FAM13A: variants seen among roughly 807,000 people sequenced by gnomAD.
FAM13A encodes family with sequence similarity 13 member A, also known as protein FAM13A.
Under a neutral mutation model 129.6 loss-of-function variants are expected in FAM13A, and 76 were observed. The ratio of observed to expected loss-of-function variants is 0.59; its 90% confidence interval spans 0.49 to 0.71. FAM13A has a LOEUF of 0.71. Among genes scored for constraint, FAM13A ranks in the 30% least tolerant of loss-of-function variants. The pLI is 0.00. For missense variants in FAM13A, 1,108 were observed against 1,249.3 expected (o/e 0.89, Z 1.70); for synonymous variants, 443 against 449.9 (o/e 0.98, Z 0.20).
At chr4:89,027,512 T>TAAA (rs35923372) in intron 2 of FAM13A, among the ~76,000 whole-genome samples, 1 of 144,752 alleles carries the variant, frequency 6.9e-6, no homozygotes, top group Middle Eastern at 3.6e-3. Context: ...TCTGTCCCTT[T>TAAA]AAAAAAAAAA....
chr4:88,962,607 C>T (rs771732967), intron 4 of FAM13A, among the ~76,000 whole-genome samples: 3 of 151,928 alleles, frequency 2.0e-5, no homozygotes, highest in Admixed American at 6.6e-5. Flanking sequence ...ATTTGGTGGG[C>T]GGGGAGAGCG....
intron 10 of FAM13A, among the ~76,000 whole-genome samples, chr4:88,783,448 C>T (rs369648548): frequency 2.0e-4 from 30 of 152,064 alleles, no homozygotes; most frequent in Middle Eastern, 6.8e-3. Context: ...TACAGGCATG[C>T]GCCACCACAC....
chr4:88,787,748 C>T lies in FAM13A; in HGVS notation c.1271+5G>A, dbSNP rs187715384. The T allele has an allele frequency of 2.3e-3, 3,685 of 1,609,192 alleles. 9 individuals are homozygous for T. The highest frequency in any genetic ancestry group is 2.8e-3 in the Non-Finnish European group (3,341 of 1,178,264). ...AAGTAAGAGGAAGAATCAATGCCAA[C>T]TCACTTGTCTCTCCCATGTCGAACT... On this transcript the variant is annotated splice_donor_5th_base_variant and intron_variant, in intron 10 of 23. Coordinates refer to ENST00000264344, the MANE Select transcript of FAM13A (RefSeq NM_014883.4).
At chr4:88,856,529 C>CA (rs1294994090) in intron 6 of FAM13A, among the ~76,000 whole-genome samples, 3 of 151,724 alleles carry the variant, frequency 2.0e-5, no homozygotes, top group Admixed American at 6.6e-5. Context: ...CAAAAAACCC[C>CA]AAAAAAACCA....
At position 88,787,314 on chromosome 4, in the gene FAM13A, G is replaced by A. The variant is rs1724170350; in HGVS notation, c.1271+439C>T. ...CATAATCAAATGTCAGAGTATTATAGGGATATCTGACTATTTAATCACATA... is the reference window on the plus strand; with the variant it reads ...CATAATCAAATGTCAGAGTATTATAAGGATATCTGACTATTTAATCACATA... On this transcript the variant is annotated intron_variant, in intron 10 of 23. Transcript: ENST00000264344. Among the ~76,000 whole-genome samples, 3 of 152,140 alleles carry A rather than the reference G, an allele frequency of 2.0e-5. No homozygotes were observed. In the South Asian group the frequency reaches 6.2e-4, roughly 32 times the overall value.
chr4:88,866,887 T>C (rs1740556109), intron 6 of FAM13A, among the ~76,000 whole-genome samples: 1 of 152,246 alleles, frequency 6.6e-6, no homozygotes, highest in Admixed American at 6.5e-5. Flanking sequence ...AATGTTAATA[T>C]AATTTTTTAA....
At chr4:88,860,315 C>T (rs1015704564) in intron 6 of FAM13A, among the ~76,000 whole-genome samples, 10 of 152,288 alleles carry the variant, frequency 6.6e-5, no homozygotes, top group East Asian at 3.9e-4. Flanking sequence ...TGAGCATTAA[C>T]GCCTCAGGGA....
chr4:88,866,510 G>A (rs557617709), intron 6 of FAM13A, among the ~76,000 whole-genome samples: 1 of 152,124 alleles, frequency 6.6e-6, no homozygotes, highest in African/African-American at 2.4e-5. Flanking sequence ...ATCATCAAAG[G>A]GCCAACCTTG....
intron 1 of FAM13A, among the ~76,000 whole-genome samples, chr4:89,032,374 G>T (rs923539666): frequency 6.6e-5 from 10 of 152,058 alleles, no homozygotes; most frequent in African/African-American, 1.4e-4. Context: ...TATTCATGGG[G>T]GTGTGTGTGT....
intron 13 of FAM13A, among the ~76,000 whole-genome samples, chr4:88,762,815 C>T (rs957828699): frequency 1.3e-5 from 2 of 151,878 alleles, no homozygotes; most frequent in South Asian, 2.1e-4. Flanking sequence ...CAAAAGCATT[C>T]TCAAATATAA....
At chr4:88,890,512 A>G (rs1745143943) in intron 6 of FAM13A, among the ~76,000 whole-genome samples, 1 of 152,230 alleles carries the variant, frequency 6.6e-6, no homozygotes, top group African/African-American at 2.4e-5. Flanking sequence ...GATACAGCAA[A>G]TACACTCATG....
intron 4 of FAM13A, among the ~76,000 whole-genome samples, chr4:88,978,095 T>C (rs1294267024): frequency 2.0e-5 from 3 of 152,140 alleles, no homozygotes; most frequent in Non-Finnish European, 4.4e-5. Context: ...CTAATACCTA[T>C]AACTACCTCA....
At position 88,965,730 on chromosome 4, in the gene FAM13A, C is replaced by G. The variant is rs1759264495; in HGVS notation, c.605+25243G>C. On this transcript the variant is annotated intron_variant, in intron 4 of 23. Transcript: ENST00000264344. ...ATTAAACATATCTCCTTTTTCCACT[C>G]CCCCAGCCCCTGCTAACCACCATTC... 2.6e-5 allele frequency among the ~76,000 whole-genome samples: 4 copies of G among 150,956 alleles called. No individual in the cohort carries two copies. In the South Asian group the frequency reaches 8.3e-4, roughly 31 times the overall value.
At chr4:88,837,091 T>C (rs1734945293) in intron 7 of FAM13A, among the ~76,000 whole-genome samples, 1 of 151,074 alleles carries the variant, frequency 6.6e-6, no homozygotes, top group African/African-American at 2.4e-5. Flanking sequence ...GCCTCCAGGG[T>C]TTAAGTGATT....
At chr4:88,865,615 G>A (rs1246912347) in intron 6 of FAM13A, among the ~76,000 whole-genome samples, 3 of 152,174 alleles carry the variant, frequency 2.0e-5, no homozygotes, top group African/African-American at 7.2e-5. Context: ...CCTACATTAG[G>A]AGCTGGCAAA....
chr4:89,026,522 C>G, intron 2 of FAM13A, among the ~76,000 whole-genome samples: 1 of 152,154 alleles, frequency 6.6e-6, no homozygotes, highest in East Asian at 1.9e-4. Flanking sequence ...GTTTAACTAA[C>G]TCACAGTTCA....
intron 3 of FAM13A, among the ~76,000 whole-genome samples, chr4:89,004,072 C>A (rs578023231): frequency 3.4e-4 from 51 of 152,096 alleles, no homozygotes; most frequent in Non-Finnish European, 7.2e-4. Context: ...ATCCTCCTAC[C>A]TTGGCATCGC....
At chr4:88,859,079 C>A (rs879158292) in intron 6 of FAM13A, among the ~76,000 whole-genome samples, 2 of 151,406 alleles carry the variant, frequency 1.3e-5, no homozygotes, top group African/African-American at 4.9e-5. Context: ...TTAAATAGTT[C>A]TTTTTTTTTC....
At position 89,023,742 on chromosome 4, in the gene FAM13A, A is replaced by G. The variant is rs1767588925; in HGVS notation, c.218-3073T>C. On this transcript the variant is annotated intron_variant, in intron 2 of 23. Coordinates refer to ENST00000264344, the MANE Select transcript of FAM13A (RefSeq NM_014883.4). ...CTCTTATGATAATTCGTGATGTTCA[A>G]CTAGGGAAAGTTTATAATCCTGGGC... Among the ~76,000 whole-genome samples, 5 of 152,312 alleles carry G rather than the reference A, an allele frequency of 3.3e-5. No homozygotes were observed. The South Asian group carries it at 8.3e-4, about 25-fold the overall frequency.
Sources: gnomAD v4.1 joint callset for allele counts (sites outside exome capture counted in the v4.1 genomes callset) on GRCh38, gnomAD v4.1.1 for gene constraint, MANE v1.5 for transcripts, NCBI Gene and HGNC (gene_info 2026-07-23, HGNC 2026-07-21) for gene names.